The following GFM2 variants were observed in gnomAD, a reference collection of about 807,000 sequenced individuals.
GFM2 encodes the protein GTP dependent ribosome recycling factor mitochondrial 2.
In GFM2, 72 loss-of-function variants were observed where a neutral mutation model predicts 95.4. That is an observed-to-expected ratio of 0.76 (90% CI 0.62 to 0.92). The LOEUF is 0.92. Ranked by LOEUF, GFM2 falls within the 40% of genes least tolerant of loss-of-function variation. The probability of loss-of-function intolerance (pLI) is 0.00; values close to 1 mark genes in which losing one functional copy is unlikely to be tolerated. For missense variants in GFM2, 825 were observed against 924.1 expected (o/e 0.89, Z 1.39); for synonymous variants, 276 against 317.5 (o/e 0.87, Z 1.39).
intron 17 of GFM2, among the ~76,000 whole-genome samples, chr5:74,728,770 T>TTTTTTTTTTTTTTTTTTTTTTTTTTGAGA (rs756604027): frequency 8.8e-6 from 1 of 113,794 alleles, no homozygotes; most frequent in African/African-American, 4.1e-5. Context: ...TTTTTTTTTT[T>TTTTTTTTTTTTTTTTTTTTTTTTTTGAGA]TTTTGAGATG....
chr5:74,729,325 A>G (rs57549677), intron 17 of GFM2, among the ~76,000 whole-genome samples: 24,475 of 152,132 alleles, frequency 0.16, 2,396 homozygotes, highest in African/African-American at 0.27. Flanking sequence ...GACTTTTCCT[A>G]GTTAATTCTT....
chr5:74,759,081 G>A, intron 4 of GFM2, 135 bp from the exon 5 acceptor site: 3 of 638,118 alleles, frequency 4.7e-6, no homozygotes, highest in Non-Finnish European at 8.3e-6. Flanking sequence ...AAAACATTTA[G>A]AGTATATCCA....
intron 12 of GFM2, among the ~76,000 whole-genome samples, chr5:74,739,773 ACATAC>A (rs1237994281): frequency 6.6e-6 from 1 of 152,200 alleles, no homozygotes; most frequent in East Asian, 1.9e-4. Context: ...CAGTGAAAAG[ACATAC>A]CTCTTAGCTC....
At chr5:74,753,264 C>T (rs1273726878) in intron 5 of GFM2, among the ~76,000 whole-genome samples, 1 of 152,048 alleles carries the variant, frequency 6.6e-6, no homozygotes, top group Non-Finnish European at 1.5e-5. Flanking sequence ...ATGCAAAATA[C>T]ACTGGAAAGT....
intron 19 of GFM2, among the ~76,000 whole-genome samples, chr5:74,724,926 C>T (rs887057633): frequency 7.2e-5 from 11 of 152,120 alleles, no homozygotes; most frequent in Non-Finnish European, 1.6e-4. Context: ...AGGCAGGAAG[C>T]GGAGGGTCCA....
At chr5:74,762,129 C>T (rs1016839896) in intron 2 of GFM2, among the ~76,000 whole-genome samples, 2 of 152,120 alleles carry the variant, frequency 1.3e-5, no homozygotes, top group Admixed American at 6.5e-5. Flanking sequence ...AAATGCTGCT[C>T]AGGTGATTTT....
At chr5:74,746,713 G>A (rs940721763) in intron 8 of GFM2, among the ~76,000 whole-genome samples, 6 of 151,970 alleles carry the variant, frequency 3.9e-5, no homozygotes, top group African/African-American at 9.7e-5. Context: ...AGGTCATTCC[G>A]GTCCCATTGT....
intron 5 of GFM2, among the ~76,000 whole-genome samples, chr5:74,756,614 G>A (rs1250280338): frequency 1.3e-5 from 2 of 151,974 alleles, no homozygotes; most frequent in Non-Finnish European, 2.9e-5. Flanking sequence ...ACATTGTTTT[G>A]CACAGTGGTT....
chr5:74,762,619 ACATC>A (rs1257211700), intron 2 of GFM2, among the ~76,000 whole-genome samples: 1 of 152,134 alleles, frequency 6.6e-6, no homozygotes, highest in African/African-American at 2.4e-5. Context: ...TCTCTTTGGC[ACATC>A]CAAATTGCCA....
rs377022606 is a variant in GFM2, at chr5:74,740,049, G to C, written c.1019C>G (p.Pro340Arg). Residue 340 changes from proline to arginine, a missense_variant, in exon 12 of 21, where the codon CCC becomes CGC. Physicochemically the swap from Pro to Arg is moderately radical, Grantham distance 103 (BLOSUM62 -2). Transcript: ENST00000296805. ...GTACATAGTAACAGCATCTAACAAG[G>C]GCTGTATCCCTTTGTTTTTCAGGGC... The part of the protein sequence containing the change: ...GSALKNKGIQ[P>R]LLDAVTMYLP... 3.7e-6 allele frequency: 6 copies of C among 1,604,268 alleles called. No individual in the cohort carries two copies. Among genetic ancestry groups the C allele is most frequent in the Non-Finnish European group, 5.1e-6 (6 of 1,175,632 alleles).
chr5:74,750,712 C>T, intron 6 of GFM2, 45 bp from the exon 7 acceptor site: 1 of 1,378,960 alleles, frequency 7.3e-7, no homozygotes, highest in South Asian at 1.2e-5. Context: ...TTAACAAAAC[C>T]ATCATATGAT....
At chr5:74,739,049 A>C (rs1742984808) in intron 12 of GFM2, among the ~76,000 whole-genome samples, 1 of 152,130 alleles carries the variant, frequency 6.6e-6, no homozygotes, top group Non-Finnish European at 1.5e-5. Context: ...TCTATACTAT[A>C]AACTTGAAAT....
intron 17 of GFM2, among the ~76,000 whole-genome samples, chr5:74,729,663 G>C (rs1750320877): frequency 6.7e-6 from 1 of 148,998 alleles, no homozygotes; most frequent in South Asian, 2.1e-4. Flanking sequence ...GAAAGTACCT[G>C]GTTATCCTAA....
intron 17 of GFM2, 147 bp from the exon 18 acceptor site, chr5:74,726,273 T>C: frequency 5.3e-6 from 3 of 565,720 alleles, no homozygotes; most frequent in South Asian, 2.5e-5. Flanking sequence ...AAATACAGTA[T>C]AAAAATCAGA....
intron 20 of GFM2, 31 bp from the exon 21 acceptor site, chr5:74,721,814 A>G (rs776188344): frequency 6.3e-7 from 1 of 1,578,524 alleles, no homozygotes; most frequent in Non-Finnish European, 8.6e-7. Flanking sequence ...CATTTATATT[A>G]TCAAATTTAA....
intron 10 of GFM2, among the ~76,000 whole-genome samples, chr5:74,744,890 T>C (rs1743300268): frequency 6.6e-6 from 1 of 152,182 alleles, no homozygotes; most frequent in African/African-American, 2.4e-5. Context: ...ATATACAAGA[T>C]TGAAATGAAT....
At chr5:74,737,986 T>C (rs1392815448) in intron 14 of GFM2, among the ~76,000 whole-genome samples, 2 of 152,088 alleles carry the variant, frequency 1.3e-5, no homozygotes, top group Non-Finnish European at 2.9e-5. Flanking sequence ...ATGCTCAAGA[T>C]AGGAATAAAC....
At chr5:74,745,407 T>G (rs1743329255) in intron 10 of GFM2, among the ~76,000 whole-genome samples, 1 of 152,062 alleles carries the variant, frequency 6.6e-6, no homozygotes, top group Non-Finnish European at 1.5e-5. Context: ...AGATGATTAG[T>G]GGGAGAGAGA....
chr5:74,738,353 C>A lies in GFM2; in HGVS notation c.1285G>T (p.Ala429Ser), dbSNP rs1384637236. 1 of 1,613,526 alleles carries A rather than the reference C, an allele frequency of 6.2e-7. No homozygotes were observed. The highest frequency in any genetic ancestry group is 1.1e-5 in the South Asian group (1 of 91,052). Residue 429 changes from alanine to serine, a missense_variant, in exon 14 of 21, where the codon GCT (alanine) becomes TCT (serine). Coordinates refer to ENST00000296805, the MANE Select transcript of GFM2 (RefSeq NM_032380.5). The stretch of plus-strand genomic sequence containing the variant: ...CCAACAGTCAAAGCAATGTTACCAG[C>A]AGTCAATGAAGGGATTTCTACATGT... ...DQHVEIPSLT[A>S]GNIALTVGLK...
Sources: allele counts gnomAD v4.1 joint callset (sites outside exome capture counted in the v4.1 genomes callset), GRCh38; gene constraint gnomAD v4.1.1; transcripts MANE v1.5; gene names NCBI Gene and HGNC (gene_info 2026-07-23, HGNC 2026-07-21).